The following ABCB1 variants were observed in gnomAD, a reference collection of about 807,000 sequenced individuals.
ABCB1 encodes the protein ATP-dependent translocase ABCB1.
ABCB1 carries 69 observed loss-of-function variants against 142.0 expected under a neutral mutation model. The ratio of observed to expected loss-of-function variants is 0.49; its 90% CI spans 0.40 to 0.59. ABCB1 has a LOEUF of 0.59. Ranked by LOEUF, ABCB1 falls within the 20% of genes least tolerant of loss-of-function variation. The pLI is 0.00. For synonymous variants in ABCB1, 532 were observed against 539.2 expected, an observed-to-expected ratio of 0.99 and a Z score of 0.18; for missense variants, 1,326 against 1,554.7, an observed-to-expected ratio of 0.85 and a Z score of 2.47.
At chr7:87,508,472 C>CCAAAA (rs1192405806) in intron 26 of ABCB1, among the ~76,000 whole-genome samples, 1 of 152,108 alleles carries the variant, frequency 6.6e-6, no homozygotes, top group Non-Finnish European at 1.5e-5. Context: ...AACTTGTATT[C>CCAAAA]CAAAACAAAA....
At chr7:87,554,109 G>T in intron 8 of ABCB1, among the ~76,000 whole-genome samples, 177 bp from the exon 9 acceptor site, 1 of 152,148 alleles carries the variant, frequency 6.6e-6, no homozygotes, top group East Asian at 1.9e-4. Context: ...TGCAGAAGAA[G>T]AAACTGACAT....
chr7:87,621,782 C>A (rs1820231969), intron 1 of ABCB1, among the ~76,000 whole-genome samples: 1 of 151,886 alleles, frequency 6.6e-6, no homozygotes, highest in Non-Finnish European at 1.5e-5. Context: ...GGAGACCTAT[C>A]CAAAAAAAGT....
chr7:87,602,287 G>A (rs1412970969), upstream of ABCB1, among the ~76,000 whole-genome samples: 2 of 146,024 alleles, frequency 1.4e-5, no homozygotes, highest in South Asian at 2.1e-4. Flanking sequence ...GCTACAGCTC[G>A]GCCTCTTTTT....
At position 87,531,444 on chromosome 7, in the gene ABCB1, T is replaced by A; in HGVS notation, c.2535A>T (p.Thr845=). 6.2e-7 allele frequency: 1 copy of A among 1,613,430 alleles called. No homozygotes were observed. The highest frequency in any genetic ancestry group is 8.5e-7 in the Non-Finnish European group (1 of 1,179,670). The part of the protein sequence containing the change: ...VITQNIANLG[T]GIIISFIYGW... Reference sequence around the variant, plus strand: ...CATAGATGAAGGATATAATTATTCCTGTCCCAAGATTTGCTATATTCTGGG... The same window carrying A: ...CATAGATGAAGGATATAATTATTCCAGTCCCAAGATTTGCTATATTCTGGG... The change falls in exon 21 of 28, where the codon ACA becomes ACT. Residue 845 remains threonine (T), a synonymous_variant. Coordinates refer to ENST00000622132, the MANE Select transcript of ABCB1 (RefSeq NM_001348946.2).
At chr7:87,519,569 A>C in intron 22 of ABCB1, 103 bp from the exon 23 acceptor site, 2 of 1,416,334 alleles carry the variant, frequency 1.4e-6, no homozygotes, top group Non-Finnish European at 2.0e-6. Context: ...TGACCAACAA[A>C]AATGGGTTTC....
At chr7:87,578,825 C>A (rs1818383841) in intron 4 of ABCB1, among the ~76,000 whole-genome samples, 1 of 151,280 alleles carries the variant, frequency 6.6e-6, no homozygotes, top group South Asian at 2.1e-4. Flanking sequence ...TCCCAAGTAG[C>A]TGGGACTACA....
At position 87,566,244 on chromosome 7, in the gene ABCB1, G is replaced by A. The variant is rs2129809828; in HGVS notation, c.531-3C>T. The A allele has an allele frequency of 6.2e-7, 1 of 1,613,484 alleles. No individual in the cohort carries two copies. Among genetic ancestry groups the A allele is most frequent in the East Asian group, 2.2e-5 (1 of 44,878 alleles). On this transcript the variant is annotated splice_region_variant and splice_polypyrimidine_tract_variant and intron_variant, in intron 6 of 27. Coordinates refer to ENST00000622132, the MANE Select transcript of ABCB1 (RefSeq NM_001348946.2). ...CTTCATTAATCTTGGAGACATCACT[G>A]AAAGAACAGATAGTGTTAGAAATAA...
rs199705785 is a variant in ABCB1, at chr7:87,522,748, CT to C, written c.2686-1873del. Among the ~76,000 whole-genome samples the C allele has an allele frequency of 4.0e-3, 598 of 150,282 alleles. 3 individuals carry two copies. Among genetic ancestry groups the C allele is most frequent in the African/African-American group, 0.011 (434 of 40,558 alleles). On this transcript the variant is annotated intron_variant, in intron 21 of 27. Coordinates refer to ENST00000622132, the MANE Select transcript of ABCB1 (RefSeq NM_001348946.2). ...GATCATAATGCTGAATAAATGTGTCCTTTTTTTTAAAAAAAAAGTATATTTT... is the reference window on the plus strand; with the variant it reads ...GATCATAATGCTGAATAAATGTGTCCTTTTTTTAAAAAAAAAGTATATTTT...
intron 1 of ABCB1, chr7:87,628,614 TGTGTGTG>T (rs1563084328): frequency 1.4e-3 from 485 of 358,462 alleles, no homozygotes; most frequent in African/African-American, 9.6e-3. Flanking sequence ...TGTGTGTGTG[TGTGTGTG>T]TGTGGAGCTC....
rs10244116 is a variant in ABCB1 at position 87,504,535 on chromosome 7, A to T, written c.3637-86T>A. The T allele has an allele frequency of 3.2e-6, 5 of 1,547,218 alleles. No individual in the cohort carries two copies. The African/African-American group carries it at 5.5e-5, about 17-fold the overall frequency. ...TAAAAAGCTCCACAGTAGGACGGGC[A>T]TGGTGGCTCACGCCTGTAATCCCAG... On this transcript the variant is annotated intron_variant, in intron 27 of 27. Transcript: ENST00000622132.
chr7:87,599,559 G>T lies in ABCB1; in HGVS notation c.68+558C>A, dbSNP rs145254286. ...CACATATGAGCATCCGCCTGTCTGGGGCAGGAAAGCTGAGAAAGAGGCACA... is the reference window on the plus strand; with the variant it reads ...CACATATGAGCATCCGCCTGTCTGGTGCAGGAAAGCTGAGAAAGAGGCACA... On this transcript the variant is annotated intron_variant, in intron 2 of 27. Coordinates refer to ENST00000622132, the MANE Select transcript of ABCB1 (RefSeq NM_001348946.2). 2.4e-4 allele frequency among the ~76,000 whole-genome samples: 37 copies of T among 152,254 alleles called. 1 individual carries two copies. The highest frequency in any genetic ancestry group is 6.8e-3 in the Middle Eastern group (2 of 294).
rs1245867367 is a variant in ABCB1, at chr7:87,626,390, ATATGTGTCATATG to A, written c.-330-25325_-330-25313del. The stretch of plus-strand genomic sequence containing the variant: ...TATGTGTCATATGTATGTGTCATAT[ATATGTGTCATATG>A]TATGTGTCATATATATGTGTCATAT... On this transcript the variant is annotated intron_variant, in intron 1 of 28. Coordinates refer to the ABCB1 transcript ENST00000265724. Among the ~76,000 whole-genome samples, 6 of 26,314 alleles carry A rather than the reference ATATGTGTCATATG, an allele frequency of 2.3e-4. 2 individuals carry two copies. The highest frequency in any genetic ancestry group is 1.0e-3 in the African/African-American group (2 of 1,954). 17.3% of individuals were successfully genotyped at this position (26,314 alleles called of 152,430 possible).
At chr7:87,533,048 T>C (rs902841334) in intron 20 of ABCB1, among the ~76,000 whole-genome samples, 1 of 152,132 alleles carries the variant, frequency 6.6e-6, no homozygotes, top group African/African-American at 2.4e-5. Context: ...GTATCATAAA[T>C]AATAGAACAC....
intron 17 of ABCB1, among the ~76,000 whole-genome samples, chr7:87,542,177 T>TA (rs780340870): frequency 3.5e-4 from 54 of 152,160 alleles, no homozygotes; most frequent in Non-Finnish European, 5.9e-4. Context: ...TTATCCTTCA[T>TA]AAAAAAACAA....
intron 20 of ABCB1, among the ~76,000 whole-genome samples, chr7:87,534,258 A>T (rs1816183707): frequency 6.6e-6 from 1 of 152,144 alleles, no homozygotes; most frequent in African/African-American, 2.4e-5. Context: ...GTGATGCGGG[A>T]TATTTGTCCA....
intron 20 of ABCB1, among the ~76,000 whole-genome samples, chr7:87,531,986 T>C (rs1816075126): frequency 1.3e-5 from 2 of 152,202 alleles, no homozygotes; most frequent in South Asian, 4.1e-4. Context: ...TAATTTAAGA[T>C]AGTAAGCGCG....
intron 1 of ABCB1, among the ~76,000 whole-genome samples, chr7:87,701,725 T>C (rs1193165556): frequency 6.6e-6 from 1 of 152,236 alleles, no homozygotes; most frequent in African/African-American, 2.4e-5. Context: ...TCCAACCATA[T>C]ATCTGTGTGA....
At chr7:87,661,053 T>C (rs1824655432) in intron 1 of ABCB1, among the ~76,000 whole-genome samples, 1 of 151,976 alleles carries the variant, frequency 6.6e-6, no homozygotes, top group Non-Finnish European at 1.5e-5. Flanking sequence ...GTTATTTACA[T>C]TTTTTGGCTT....
intron 1 of ABCB1, among the ~76,000 whole-genome samples, chr7:87,600,406 C>A (rs943928062): frequency 2.6e-5 from 4 of 152,214 alleles, no homozygotes; most frequent in African/African-American, 9.6e-5. Context: ...GGTCTGGCAG[C>A]GCGTTCTGGA....
Sources: allele counts gnomAD v4.1 joint callset (sites outside exome capture counted in the v4.1 genomes callset), GRCh38; gene constraint gnomAD v4.1.1; transcripts MANE v1.5; gene names NCBI Gene and HGNC (gene_info 2026-07-23, HGNC 2026-07-21).